PCDHGA9: variants seen among roughly 807,000 people sequenced by gnomAD.
The protein encoded by PCDHGA9 is protocadherin gamma subfamily A, 9, also known as protocadherin gamma-A9.
PCDHGA9 carries 37 observed loss-of-function variants against 62.5 expected under a neutral mutation model. That is an observed-to-expected ratio of 0.59 (90% confidence interval 0.46 to 0.78). The LOEUF is 0.78. PCDHGA9 is among the 30% of genes least tolerant of loss of function. The pLI is 0.00. For synonymous variants in PCDHGA9, 459 were observed against 484.6 expected, an observed-to-expected ratio of 0.95 and a Z score of 0.69; for missense variants, 1,138 against 1,166.2, an observed-to-expected ratio of 0.98 and a Z score of 0.35.
intron 3 of PCDHGA9, among the ~76,000 whole-genome samples, chr5:141,509,751 A>T (rs1430265981): frequency 6.6e-6 from 1 of 151,998 alleles, no homozygotes; most frequent in Admixed American, 6.5e-5. Flanking sequence ...CCTGTGCCTA[A>T]AGTGTCCCTG....
intron 1 of PCDHGA9, chr5:141,430,691 G>A (rs1479214920): frequency 7.1e-7 from 1 of 1,416,592 alleles, no homozygotes; most frequent in Non-Finnish European, 9.4e-7. Context: ...CCATTCTATG[G>A]GCGAAGGAAC....
chr5:141,439,333 G>A (rs964224344), intron 1 of PCDHGA9, among the ~76,000 whole-genome samples: 1 of 152,154 alleles, frequency 6.6e-6, no homozygotes, highest in Non-Finnish European at 1.5e-5. Flanking sequence ...TGGAAAGAAA[G>A]ATTCTAAGCC....
rs146372628 is a variant in PCDHGA9, at chr5:141,476,246, G to A, written c.2425-18561G>A. On this transcript the variant is annotated intron_variant, in intron 1 of 3. Coordinates refer to ENST00000573521, the MANE Select transcript of PCDHGA9 (RefSeq NM_018921.3). The surrounding 1 kb of genome is among the most constrained non-coding windows in gnomAD (Gnocchi z 7.6). ...TGAGATCCCGGAGGAAAGAGAGAAG[G>A]GTTTCGCTGTGGGCAACGTGGTCGC... 1.0e-3 allele frequency: 1,689 copies of A among 1,613,996 alleles called. 1 individual carries two copies. Among genetic ancestry groups the A allele is most frequent in the Non-Finnish European group, 1.3e-3 (1,557 of 1,180,008 alleles).
At chr5:141,426,398 C>A (rs1264385461) in intron 1 of PCDHGA9, 3 of 257,270 alleles carry the variant, frequency 1.2e-5, no homozygotes, top group Non-Finnish European at 2.3e-5. Context: ...TACTCTATTC[C>A]AGAAGAAACG....
At chr5:141,447,244 A>G (rs1475037979) in intron 1 of PCDHGA9, among the ~76,000 whole-genome samples, 1 of 152,062 alleles carries the variant, frequency 6.6e-6, no homozygotes, top group South Asian at 2.1e-4. Flanking sequence ...GGTTCAAGTG[A>G]TTCTTCTGTC....
intron 2 of PCDHGA9, among the ~76,000 whole-genome samples, chr5:141,501,109 C>G (rs909874167): frequency 2.0e-5 from 3 of 152,106 alleles, no homozygotes; most frequent in Non-Finnish European, 4.4e-5. Context: ...CCTCGTGATC[C>G]GCCTGCCTCA....
intron 1 of PCDHGA9, chr5:141,421,044 C>CGCCT (rs891153203): frequency 6.4e-5 from 35 of 548,614 alleles, no homozygotes; most frequent in African/African-American, 6.0e-4. Context: ...CTCCCTCCCC[C>CGCCT]GCCTCTACCA....
At position 141,490,148 on chromosome 5, in the gene PCDHGA9, A is replaced by G. The variant is rs2154582223; in HGVS notation, c.2425-4659A>G. The G allele has an allele frequency of 1.2e-6, 2 of 1,614,232 alleles. No homozygotes were observed. The highest frequency in any genetic ancestry group is 4.5e-5 in the East Asian group (2 of 44,888). On this transcript the variant is annotated intron_variant, in intron 1 of 3. Coordinates refer to ENST00000573521, the MANE Select transcript of PCDHGA9 (RefSeq NM_018921.3). The surrounding 1 kb of genome is among the most constrained non-coding windows in gnomAD (Gnocchi z 5.4). The stretch of plus-strand genomic sequence containing the variant: ...CTAGACCCTAGCAGTGGGGCAATCC[A>G]TGTGTTGGGTCCCATAGACTTTGAG...
rs926009065 is a variant in PCDHGA9, at chr5:141,488,023, AG to A, written c.2425-6782del. ...TCAGATTCTGAAGTACCTTAACTCT[AG>A]GTTACCATTTCCCAAGGGATTGAGG... On this transcript the variant is annotated intron_variant, in intron 1 of 3. Transcript: ENST00000573521. 1.4e-3 allele frequency among the ~76,000 whole-genome samples: 213 copies of A among 152,260 alleles called. 1 individual carries two copies. The highest frequency in any genetic ancestry group is 5.0e-3 in the African/African-American group (208 of 41,542).
Position 141,431,228 on chromosome 5 carries a change from GC to G in PCDHGA9, c.2424+25854del. The G allele has an allele frequency of 6.2e-7, 1 of 1,614,118 alleles. No homozygotes were observed. Among genetic ancestry groups the G allele is most frequent in the Non-Finnish European group, 8.5e-7 (1 of 1,180,030 alleles). On this transcript the variant is annotated intron_variant, in intron 1 of 3. Transcript: ENST00000573521. This position sits in a 1 kb window ranked among gnomAD's most constrained non-coding sequence, Gnocchi z 4.8. ...TGAGATGCGGTTCCCTCTACCCCAC[GC>G]CTGGGATCCGGATATCGGGAAGAAC...
At position 141,408,970 on chromosome 5, in the gene PCDHGA9, C is replaced by T. The variant is rs755949698; in HGVS notation, c.2424+3594C>T. The stretch of plus-strand genomic sequence containing the variant: ...GAATTAGTCTTAGTGAAAATCTGCC[C>T]CCTGGGTCCCCTGTGTTGCAAGTGA... On this transcript the variant is annotated intron_variant, in intron 1 of 3. Coordinates refer to ENST00000573521, the MANE Select transcript of PCDHGA9 (RefSeq NM_018921.3). 10 of 1,613,770 alleles carry T rather than the reference C, an allele frequency of 6.2e-6. No homozygotes were observed. The South Asian group carries it at 1.1e-4, about 18-fold the overall frequency.
chr5:141,492,320 G>A (rs1001784912), intron 1 of PCDHGA9, among the ~76,000 whole-genome samples: 1 of 152,206 alleles, frequency 6.6e-6, no homozygotes. Flanking sequence ...CTCCTCGCAC[G>A]TGGGCTTACG....
In PCDHGA9 at chr5:141,402,790, A is replaced by G; in HGVS notation, c.-163A>G. 1.0e-6 allele frequency: 1 copy of G among 961,364 alleles called. No homozygotes were observed. Among genetic ancestry groups the G allele is most frequent in the Non-Finnish European group, 1.5e-6 (1 of 680,534 alleles). 59.6% of individuals were successfully genotyped at this position (961,364 alleles called of 1,614,324 possible). ...CATCCGGATTTCCAGTTCTGCGGCT[A>G]CACAAAACCCGGCAGATACCACAAA... On this transcript the variant is annotated 5_prime_UTR_variant, in exon 1 of 4. Transcript: ENST00000573521.
rs188827871 is a variant in PCDHGA9, at chr5:141,405,107, T to G, written c.2155T>G (p.Trp719Gly). 137 of 1,613,998 alleles carry G rather than the reference T, an allele frequency of 8.5e-5. No homozygotes were observed. The Middle Eastern group carries it at 1.3e-3, about 16-fold the overall frequency. Residue 719 changes from tryptophan to glycine, a missense_variant, in exon 1 of 4, where the codon TGG becomes GGG. By Grantham distance (184) the Trp-to-Gly change is radical. Coordinates refer to ENST00000573521, the MANE Select transcript of PCDHGA9 (RefSeq NM_018921.3). ...ITLLALRLRH[W>G]HSSHLLRATS... ...GCTGCTGGCCCTCAGGCTGAGGCAC[T>G]GGCACTCCTCGCATCTGCTGCGGGC...
intron 1 of PCDHGA9, among the ~76,000 whole-genome samples, chr5:141,482,056 G>A (rs1271837619): frequency 1.3e-5 from 2 of 149,012 alleles, no homozygotes; most frequent in Non-Finnish European, 3.0e-5. Context: ...TTGCATTCCA[G>A]CCTGGGCAAC....
chr5:141,467,532 T>G (rs2099145568), intron 1 of PCDHGA9, among the ~76,000 whole-genome samples: 1 of 152,234 alleles, frequency 6.6e-6, no homozygotes, highest in Non-Finnish European at 1.5e-5. Flanking sequence ...TGTGCTGAGA[T>G]ATGGATCTGA....
At chr5:141,450,587 A>G (rs1396203849) in intron 1 of PCDHGA9, among the ~76,000 whole-genome samples, 1 of 151,720 alleles carries the variant, frequency 6.6e-6, no homozygotes, top group East Asian at 1.9e-4. Flanking sequence ...CCCAGGTTCA[A>G]GCAATTCTCC....
Position 141,432,466 on chromosome 5 carries a change from G to A in PCDHGA9, c.2424+27090G>A, listed in dbSNP as rs149116648. 5.7e-4 allele frequency: 913 copies of A among 1,614,208 alleles called. 6 individuals carry two copies. In the African/African-American group the frequency reaches 0.011, roughly 19 times the overall value. On this transcript the variant is annotated intron_variant, in intron 1 of 3. Transcript: ENST00000573521. This position sits in a 1 kb window ranked among gnomAD's most constrained non-coding sequence, Gnocchi z 6.0. The stretch of plus-strand genomic sequence containing the variant: ...AGATCCTGTACCCCGCCCTCCCCAC[G>A]GACGGTTCCACTGGCGTGGAGCTGG...
intron 1 of PCDHGA9, among the ~76,000 whole-genome samples, chr5:141,453,670 G>A (rs191035462): frequency 2.5e-4 from 38 of 152,224 alleles, no homozygotes; most frequent in Middle Eastern, 6.8e-3. Context: ...TACACAAAAG[G>A]TAACACACTA....
Sources: gnomAD v4.1 joint callset for allele counts (sites outside exome capture counted in the v4.1 genomes callset) on GRCh38, gnomAD v4.1.1 for gene constraint, Gnocchi (gnomAD v3.1) non-coding constraint, MANE v1.5 for transcripts, NCBI Gene and HGNC (gene_info 2026-07-23, HGNC 2026-07-21) for gene names.